Variants in ZMYND15 observed in about 807,000 individuals in gnomAD.
ZMYND15 encodes the protein zinc finger MYND-type containing 15.
In ZMYND15, 54 loss-of-function variants were observed where a neutral mutation model predicts 81.7. The observed-to-expected ratio is 0.66, with a 90% CI of 0.53 to 0.83. ZMYND15 has a LOEUF of 0.83. Ranked by LOEUF, ZMYND15 falls within the 40% of genes least tolerant of loss-of-function variation. The pLI, the probability that ZMYND15 is intolerant of heterozygous loss-of-function variation, is 0.00. For synonymous variants in ZMYND15, 399 were observed against 387.0 expected (o/e 1.03, Z -0.36); for missense variants, 925 against 973.5 (o/e 0.95, Z 0.66).
rs1028217887 is a variant in ZMYND15 at position 4,744,119 on chromosome 17, G to A, written c.1495+12G>A. 1.2e-5 allele frequency: 20 copies of A among 1,608,044 alleles called. No individual in the cohort carries two copies. Among genetic ancestry groups the A allele is most frequent in the East Asian group, 2.2e-5 (1 of 44,550 alleles). ...GGTGCCCCAGTCCTGTAAGGAGAGC[G>A]GAGTGGGGGGTGGAGCAGGATGGGG... On this transcript the variant is annotated intron_variant, in intron 8 of 13. Transcript: ENST00000433935. The surrounding 1 kb of genome is among the most constrained non-coding windows in gnomAD (Gnocchi z 4.1).
At chr17:4,740,494 ACC>A in intron 1 of ZMYND15, 23 bp from the exon 2 acceptor site, 1 of 1,509,160 alleles carries the variant, frequency 6.6e-7, no homozygotes. Context: ...CCTGTCCCTC[ACC>A]ATATATCCCT....
In ZMYND15 at chr17:4,745,114, C is replaced by T; in HGVS notation, c.1897-101C>T. The T allele has an allele frequency of 2.5e-6, 4 of 1,592,962 alleles. No individual in the cohort carries two copies. Among genetic ancestry groups the T allele is most frequent in the Non-Finnish European group, 2.6e-6 (3 of 1,166,350 alleles). ...CGTCCTCCCCCTGCTCCCCTCCGCC[C>T]GGTCTGTCCGGGGACCTCGGCTTTC... On this transcript the variant is annotated intron_variant, in intron 12 of 13. Coordinates refer to ENST00000433935, the MANE Select transcript of ZMYND15 (RefSeq NM_001136046.3). The surrounding 1 kb of genome is among the most constrained non-coding windows in gnomAD (Gnocchi z 5.2).
Position 4,744,802 on chromosome 17 carries a change from A to C in ZMYND15, c.1837+24A>C, listed in dbSNP as rs1916590025. ...TGGTAAAAGCCTGGGTCTCAGGGTT[A>C]GGCATGTGGGGAAGGTGGGAGAGAA... On this transcript the variant is annotated intron_variant, in intron 11 of 13. Coordinates refer to ENST00000433935, the MANE Select transcript of ZMYND15 (RefSeq NM_001136046.3). This position sits in a 1 kb window ranked among gnomAD's most constrained non-coding sequence, Gnocchi z 4.1. 6.2e-7 allele frequency: 1 copy of C among 1,614,000 alleles called. No individual in the cohort carries two copies. Among genetic ancestry groups the C allele is most frequent in the South Asian group, 1.1e-5 (1 of 91,086 alleles).
Position 4,744,520 on chromosome 17 carries a change from T to C in ZMYND15, c.1683+53T>C. The stretch of plus-strand genomic sequence containing the variant: ...AGCCCTGACCCCTCCAGTGACCTCC[T>C]GGTTGGGTCCTGCCCTTCTGCCCCC... On this transcript the variant is annotated intron_variant, in intron 10 of 13. Transcript: ENST00000433935. This position sits in a 1 kb window ranked among gnomAD's most constrained non-coding sequence, Gnocchi z 4.1. 1.2e-6 allele frequency: 2 copies of C among 1,611,070 alleles called. No homozygotes were observed. The highest frequency in any genetic ancestry group is 4.5e-5 in the East Asian group (2 of 44,810).
rs2150629464 is a variant in ZMYND15 at position 4,743,433 on chromosome 17, A to G, written c.1275A>G (p.Pro425=). ...GFSRHPRGNT[P]SLSLLRGGDP... ...CCAGACACCCCCGAGGCAACACGCC[A>G]TCCCTCAGCCTTCTTCGCGGTGGTG... Residue 425 remains proline (P), a synonymous_variant, in exon 6 of 14, where the codon CCA becomes CCG. Transcript: ENST00000433935. The surrounding 1 kb of genome is among the most constrained non-coding windows in gnomAD (Gnocchi z 4.3). 1 of 1,613,954 alleles carries G rather than the reference A, an allele frequency of 6.2e-7. No homozygotes were observed. Among genetic ancestry groups the G allele is most frequent in the Non-Finnish European group, 8.5e-7 (1 of 1,179,978 alleles).
Position 4,745,943 on chromosome 17 carries a change from C to G in ZMYND15, c.2182C>G (p.Arg728Gly). The G allele has an allele frequency of 3.4e-6, 5 of 1,474,072 alleles. No homozygotes were observed. The South Asian group carries it at 5.4e-5, about 16-fold the overall frequency. 91.3% of individuals were successfully genotyped at this position (1,474,072 alleles called of 1,614,324 possible). ...TGCTCCTCCTGCCCCCACCCGAAGGCGCCGAGGAGAAAAGAAACCTGGGCG... is the reference window on the plus strand; with the variant it reads ...TGCTCCTCCTGCCCCCACCCGAAGGGGCCGAGGAGAAAAGAAACCTGGGCG... ...PSAPPAPTRR[R>G]RGEKKPGRGA... Residue 728 changes from arginine to glycine, a missense_variant, in exon 14 of 14, where the codon CGC (arginine) becomes GGC (glycine). Physicochemically the swap from Arg to Gly is moderately radical, Grantham distance 125. Transcript: ENST00000433935. This position sits in a 1 kb window ranked among gnomAD's most constrained non-coding sequence, Gnocchi z 5.2.
Position 4,741,817 on chromosome 17 carries a change from G to A in ZMYND15, c.827+1G>A, listed in dbSNP as rs777568944. On this transcript the variant is annotated splice_donor_variant, in intron 3 of 13. Transcript: ENST00000433935. LOFTEE classifies it high-confidence loss of function. ...CTGTGGGAGATGCCCGGCTGCATCGGTATAGAAATCTGGTATCTGAGGCTG... is the reference window on the plus strand; with the variant it reads ...CTGTGGGAGATGCCCGGCTGCATCGATATAGAAATCTGGTATCTGAGGCTG... 1 of 1,575,962 alleles carries A rather than the reference G, an allele frequency of 6.3e-7. No individual in the cohort carries two copies. Among genetic ancestry groups the A allele is most frequent in the African/African-American group, 1.4e-5 (1 of 73,798 alleles).
At position 4,745,889 on chromosome 17, in the gene ZMYND15, G is replaced by T. The variant is rs745371371; in HGVS notation, c.2128G>T (p.Gly710Trp). The change falls in exon 14 of 14, where the codon GGG (glycine) becomes TGG (tryptophan). Residue 710 changes from glycine to tryptophan, a missense_variant. Gly to Trp is a radical substitution (Grantham distance 184). Coordinates refer to ENST00000433935, the MANE Select transcript of ZMYND15 (RefSeq NM_001136046.3). This position sits in a 1 kb window ranked among gnomAD's most constrained non-coding sequence, Gnocchi z 5.2. ...AQGSGARPAP[G>W]PPPPSPTPSA... ...AGGGAGCGGGGCCCGCCCGGCGCCC[G>T]GGCCCCCACCCCCATCCCCAACTCC... is the stretch of plus-strand genomic sequence containing the variant. 1.2e-5 allele frequency: 19 copies of T among 1,560,408 alleles called. No homozygotes were observed. In the Admixed American group the frequency reaches 3.7e-4, roughly 30 times the overall value.
rs745997311 is a variant in ZMYND15 at position 4,740,743 on chromosome 17, T to C, written c.195T>C (p.His65=). The C allele has an allele frequency of 1.2e-6, 2 of 1,605,738 alleles. No individual in the cohort carries two copies. The highest frequency in any genetic ancestry group is 1.1e-5 in the South Asian group (1 of 90,698). The part of the protein sequence containing the change: ...ALWVLHVLPN[H]SVGISLGQGA... ...GGGTGCTCCATGTCCTGCCCAACCA[T>C]AGTGTGGGCATCAGCCTGGGGCAAG... The change falls in exon 2 of 14, where the codon CAT becomes CAC. Residue 65 remains histidine (H), a synonymous_variant. Transcript: ENST00000433935.
In ZMYND15 at chr17:4,743,032, C is replaced by G. The variant is rs1056837983; in HGVS notation, c.1145-271C>G. Among the ~76,000 whole-genome samples the G allele has an allele frequency of 2.0e-5, 3 of 151,918 alleles. No individual in the cohort carries two copies. Among genetic ancestry groups the G allele is most frequent in the African/African-American group, 7.3e-5 (3 of 41,348 alleles). ...AGCACTTTGGGAGGCCAACTTGAGC[C>G]CAGGAATTTGAGATCAGCCTGGGCA... On this transcript the variant is annotated intron_variant, in intron 5 of 13. Transcript: ENST00000433935. The surrounding 1 kb of genome is among the most constrained non-coding windows in gnomAD (Gnocchi z 4.3).
In ZMYND15 at chr17:4,744,741, C is replaced by T. The variant is rs761982501; in HGVS notation, c.1800C>T (p.Tyr600=). ...DLQIKVSARP[Y]HLFQGPKPDL... Reference sequence around the variant, plus strand: ...AGATCAAGGTGTCAGCAAGGCCCTACCACCTGTTCCAGGGGCCCAAGCCTG... The same window carrying T: ...AGATCAAGGTGTCAGCAAGGCCCTATCACCTGTTCCAGGGGCCCAAGCCTG... Residue 600 remains tyrosine, a synonymous_variant, in exon 11 of 14, where the codon TAC becomes TAT. Coordinates refer to ENST00000433935, the MANE Select transcript of ZMYND15 (RefSeq NM_001136046.3). The surrounding 1 kb of genome is among the most constrained non-coding windows in gnomAD (Gnocchi z 4.1). The T allele has an allele frequency of 1.9e-6, 3 of 1,614,166 alleles. No homozygotes were observed. Among genetic ancestry groups the T allele is most frequent in the Admixed American group, 1.7e-5 (1 of 60,012 alleles).
Position 4,740,356 on chromosome 17 carries a change from C to T in ZMYND15, c.-30-163C>T, listed in dbSNP as rs1252606108. On this transcript the variant is annotated intron_variant, in intron 1 of 13. Coordinates refer to ENST00000433935, the MANE Select transcript of ZMYND15 (RefSeq NM_001136046.3). ...TCCAGCCCCCATTTTCCTCCCTAAACTCCCATCCTCAGCCCTGAAAAATCC... is the reference window on the plus strand; with the variant it reads ...TCCAGCCCCCATTTTCCTCCCTAAATTCCCATCCTCAGCCCTGAAAAATCC... 11 of 1,232,598 alleles carry T rather than the reference C, an allele frequency of 8.9e-6. No homozygotes were observed. The Admixed American group carries it at 1.1e-4, about 12-fold the overall frequency. 76.4% of individuals were successfully genotyped at this position (1,232,598 alleles called of 1,614,324 possible). A position where few individuals can be genotyped will look rare whatever the true frequency, so the allele number is the denominator to read the frequency against.
At position 4,743,251 on chromosome 17, in the gene ZMYND15, A is replaced by T. The variant is rs954731641; in HGVS notation, c.1145-52A>T. 1 of 1,487,212 alleles carries T rather than the reference A, an allele frequency of 6.7e-7. No individual in the cohort carries two copies. Among genetic ancestry groups the T allele is most frequent in the East Asian group, 2.3e-5 (1 of 44,316 alleles). The allele number at this position is 1,487,212 out of a possible 1,614,324, so 92.1% of individuals were successfully genotyped here. A position where few individuals can be genotyped will look rare whatever the true frequency, so the allele number is the denominator to read the frequency against. ...AAGACTCTGTCTCAAAAAAAAAAAA[A>T]TGTCTGGGGTTCTAGCCCAGCACCT... is the stretch of plus-strand genomic sequence containing the variant. On this transcript the variant is annotated intron_variant, in intron 5 of 13. Transcript: ENST00000433935. The surrounding 1 kb of genome is among the most constrained non-coding windows in gnomAD (Gnocchi z 4.3).
Position 4,740,029 on chromosome 17 carries a change from C to A in ZMYND15, c.-52C>A, listed in dbSNP as rs1452834647. On this transcript the variant is annotated 5_prime_UTR_variant, in exon 1 of 14. Coordinates refer to ENST00000433935, the MANE Select transcript of ZMYND15 (RefSeq NM_001136046.3). ...CCCTCCACCGCGAGGTATTTACCTTCGAAAAGTGGTGGCGGCTGCAGGTAC... is the reference window on the plus strand; with the variant it reads ...CCCTCCACCGCGAGGTATTTACCTTAGAAAAGTGGTGGCGGCTGCAGGTAC... The A allele has an allele frequency of 1.0e-6, 1 of 985,416 alleles. No homozygotes were observed. Among genetic ancestry groups the A allele is most frequent in the Admixed American group, 6.1e-5 (1 of 16,270 alleles). 61.0% of individuals were successfully genotyped at this position (985,416 alleles called of 1,614,324 possible). A position where few individuals can be genotyped will look rare whatever the true frequency, so the allele number is the denominator to read the frequency against.
rs919831404 is a variant in ZMYND15, at chr17:4,745,496, C to T, written c.2057+121C>T. 6.5e-6 allele frequency: 8 copies of T among 1,222,962 alleles called. No individual in the cohort carries two copies. The highest frequency in any genetic ancestry group is 1.5e-5 in the African/African-American group (1 of 65,410). The allele number at this position is 1,222,962 out of a possible 1,614,324, so 75.8% of individuals were successfully genotyped here. A position where few individuals can be genotyped will look rare whatever the true frequency, so the allele number is the denominator to read the frequency against. ...TGTCCTGGGGCCCTCCTGCCCCCAG[C>T]CCAGCAACCTGCCTTCTCTGTCCCC... On this transcript the variant is annotated intron_variant, in intron 13 of 13. Coordinates refer to ENST00000433935, the MANE Select transcript of ZMYND15 (RefSeq NM_001136046.3). The surrounding 1 kb of genome is among the most constrained non-coding windows in gnomAD (Gnocchi z 5.2).
intron 2 of ZMYND15, 31 bp from the exon 3 acceptor site, chr17:4,741,551 C>G (rs557806957): frequency 6.2e-7 from 1 of 1,612,838 alleles, no homozygotes; most frequent in South Asian, 1.1e-5. Context: ...TCGCTGCCCC[C>G]TACCACCTCA....
In ZMYND15 at chr17:4,743,643, A is replaced by G. The variant is rs751425990; in HGVS notation, c.1298-124A>G. The stretch of plus-strand genomic sequence containing the variant: ...AACTCCACCCAGAAACCCCATCCCT[A>G]TGCAAACCCCCATTCCTCTTACTGC... On this transcript the variant is annotated intron_variant, in intron 6 of 13. Transcript: ENST00000433935. This position sits in a 1 kb window ranked among gnomAD's most constrained non-coding sequence, Gnocchi z 4.3. 808 of 1,271,374 alleles carry G rather than the reference A, an allele frequency of 6.4e-4. No individual in the cohort carries two copies. The highest frequency in any genetic ancestry group is 1.4e-3 in the Middle Eastern group (7 of 4,926). 78.8% of individuals were successfully genotyped at this position (1,271,374 alleles called of 1,614,324 possible). A position where few individuals can be genotyped will look rare whatever the true frequency, so the allele number is the denominator to read the frequency against.
Position 4,739,924 on chromosome 17 carries a change from G to A in ZMYND15, c.-157G>A. ...ACCTGCGGGGCAGCCACCCGCGGAC[G>A]CACCGAGCCCGGGGGGCGTGGCCGC... On this transcript the variant is annotated 5_prime_UTR_variant, in exon 1 of 14. Coordinates refer to ENST00000433935, the MANE Select transcript of ZMYND15 (RefSeq NM_001136046.3). This position sits in a 1 kb window ranked among gnomAD's most constrained non-coding sequence, Gnocchi z 5.3. 1.0e-6 allele frequency: 1 copy of A among 985,300 alleles called. No homozygotes were observed. The highest frequency in any genetic ancestry group is 1.2e-6 in the Non-Finnish European group (1 of 829,992). The allele number at this position is 985,300 out of a possible 1,614,324, so 61.0% of individuals were successfully genotyped here. A position where few individuals can be genotyped will look rare whatever the true frequency, so the allele number is the denominator to read the frequency against.
At position 4,745,951 on chromosome 17, in the gene ZMYND15, A is replaced by C. The variant is rs1359488707; in HGVS notation, c.2190A>C (p.Gly730=). ...APPAPTRRRR[G]EKKPGRGARR... is the part of the protein sequence containing the mutation. ...CTGCCCCCACCCGAAGGCGCCGAGG[A>C]GAAAAGAAACCTGGGCGGGGGGCCC... The change falls in exon 14 of 14, where the codon GGA becomes GGC. Residue 730 remains glycine, a synonymous_variant. Transcript: ENST00000433935. The surrounding 1 kb of genome is among the most constrained non-coding windows in gnomAD (Gnocchi z 5.2). The C allele has an allele frequency of 6.9e-7, 1 of 1,457,656 alleles. No individual in the cohort carries two copies. Among genetic ancestry groups the C allele is most frequent in the East Asian group, 2.8e-5 (1 of 36,120 alleles). 90.3% of individuals were successfully genotyped at this position (1,457,656 alleles called of 1,614,324 possible). A position where few individuals can be genotyped will look rare whatever the true frequency, so the allele number is the denominator to read the frequency against.
Sources: gnomAD v4.1 joint callset for allele counts (sites outside exome capture counted in the v4.1 genomes callset) on GRCh38, gnomAD v4.1.1 for gene constraint, Gnocchi (gnomAD v3.1) non-coding constraint, MANE v1.5 for transcripts, NCBI Gene and HGNC (gene_info 2026-07-23, HGNC 2026-07-21) for gene names.